Variants in CRTAC1 observed in about 807,000 individuals in gnomAD.
CRTAC1 encodes the protein cartilage acidic protein 1, also known as acidic secreted protein in cartilage.
In CRTAC1, 37 loss-of-function variants were observed where a neutral mutation model predicts 67.8. The observed-to-expected ratio is 0.55, with a 90% CI of 0.42 to 0.72. The LOEUF (loss-of-function observed/expected upper bound fraction) is 0.72. CRTAC1 is among the 30% of genes least tolerant of loss of function. The probability of loss-of-function intolerance (pLI) is 0.00; values close to 1 mark genes in which losing one functional copy is unlikely to be tolerated. For synonymous variants in CRTAC1, 348 were observed against 371.0 expected (o/e 0.94, Z 0.71); for missense variants, 780 against 931.6 (o/e 0.84, Z 2.12).
chr10:97,877,472 G>A (rs148780794), intron 14 of CRTAC1, among the ~76,000 whole-genome samples: 1 of 146,070 alleles, frequency 6.8e-6, no homozygotes, highest in Non-Finnish European at 1.5e-5. Context: ...AACAAATATT[G>A]CTTTCACTTA....
intron 3 of CRTAC1, among the ~76,000 whole-genome samples, chr10:97,929,378 T>C (rs995655340): frequency 6.6e-6 from 1 of 152,152 alleles, no homozygotes. Context: ...CTAGAGCCAC[T>C]GGGAGCATGA....
At chr10:97,887,610 G>GCTAT (rs918005288) in intron 11 of CRTAC1, among the ~76,000 whole-genome samples, 1 of 152,172 alleles carries the variant, frequency 6.6e-6, no homozygotes, top group African/African-American at 2.4e-5. Flanking sequence ...GGGGCCTGGG[G>GCTAT]CTATGAGATA....
intron 2 of CRTAC1, among the ~76,000 whole-genome samples, chr10:97,989,963 C>T (rs1842412694): frequency 6.6e-6 from 1 of 152,234 alleles, no homozygotes; most frequent in Non-Finnish European, 1.5e-5. Context: ...TCTGAAATCT[C>T]TCATTCCCTC....
chr10:97,925,548 T>C (rs1471462122), intron 3 of CRTAC1, among the ~76,000 whole-genome samples: 2 of 140,816 alleles, frequency 1.4e-5, no homozygotes, highest in African/African-American at 2.7e-5. Flanking sequence ...TCAGAGTGAG[T>C]GTTGAGAGGG....
At chr10:98,012,867 C>A (rs553843932) in intron 1 of CRTAC1, among the ~76,000 whole-genome samples, 2 of 152,278 alleles carry the variant, frequency 1.3e-5, no homozygotes, top group South Asian at 2.1e-4. Flanking sequence ...AAACTGAGGT[C>A]ATTCCAAATT....
chr10:97,929,298 C>T lies in CRTAC1; in HGVS notation c.422-5898G>A, dbSNP rs116334250. ...GGCCATAAACAGGGTCCCTTGAGTC[C>T]CAGGGAGAAGCCACATTTGGGACAG... On this transcript the variant is annotated intron_variant, in intron 3 of 14. Transcript: ENST00000370597. Among the ~76,000 whole-genome samples, 340 of 152,106 alleles carry T rather than the reference C, an allele frequency of 2.2e-3. 1 individual carries two copies. The highest frequency in any genetic ancestry group is 8.0e-3 in the African/African-American group (333 of 41,484).
chr10:97,998,105 G>C (rs959702554), intron 2 of CRTAC1, among the ~76,000 whole-genome samples: 6 of 152,128 alleles, frequency 3.9e-5, no homozygotes. Context: ...TGAGAAGCTG[G>C]GACTACAGGT....
intron 13 of CRTAC1, among the ~76,000 whole-genome samples, chr10:97,881,762 A>G (rs1294911898): frequency 1.3e-5 from 2 of 151,848 alleles, no homozygotes; most frequent in African/African-American, 4.9e-5. Flanking sequence ...CACCCTTGGC[A>G]CCACTGCTCC....
In CRTAC1 at chr10:97,907,199, A is replaced by G. The variant is rs573339272; in HGVS notation, c.850+814T>C. Among the ~76,000 whole-genome samples the G allele has an allele frequency of 5.9e-5, 9 of 152,350 alleles. No individual in the cohort carries two copies. In the East Asian group the frequency reaches 1.7e-3, roughly 29 times the overall value. Reference sequence around the variant, plus strand: ...TCCTTGTAAAGCTCATAGACAAACCATGATGGCAATGTGGAGCCTGAAGAA... The same window carrying G: ...TCCTTGTAAAGCTCATAGACAAACCGTGATGGCAATGTGGAGCCTGAAGAA... On this transcript the variant is annotated intron_variant, in intron 6 of 14. Coordinates refer to ENST00000370597, the MANE Select transcript of CRTAC1 (RefSeq NM_018058.7).
chr10:97,877,458 G>T (rs1441087857), intron 14 of CRTAC1, among the ~76,000 whole-genome samples: 3 of 146,880 alleles, frequency 2.0e-5, no homozygotes, highest in Admixed American at 6.7e-5. Flanking sequence ...CACAGTAGGG[G>T]CTCAACAAAT....
At chr10:98,019,262 C>T (rs1341043692) in intron 1 of CRTAC1, among the ~76,000 whole-genome samples, 10 of 152,152 alleles carry the variant, frequency 6.6e-5, no homozygotes, top group East Asian at 1.9e-4. Context: ...CTACAGACCC[C>T]GCCGCCTGGC....
chr10:97,924,112 C>A (rs989829053), intron 3 of CRTAC1, among the ~76,000 whole-genome samples: 1 of 151,978 alleles, frequency 6.6e-6, no homozygotes, highest in Non-Finnish European at 1.5e-5. Context: ...CACCACACAA[C>A]ATGCCATACA....
intron 8 of CRTAC1, among the ~76,000 whole-genome samples, chr10:97,900,989 T>C (rs372026025): frequency 6.4e-5 from 8 of 125,820 alleles, no homozygotes; most frequent in Non-Finnish European, 8.2e-5. Flanking sequence ...GATTGGACCC[T>C]GTAGCCCCTT....
rs187901600 is a variant in CRTAC1, at chr10:98,004,762, G to C, written c.224+6376C>G. On this transcript the variant is annotated intron_variant, in intron 2 of 14. Coordinates refer to ENST00000370597, the MANE Select transcript of CRTAC1 (RefSeq NM_018058.7). ...TGAACATATTATGCAGTGAAAAAAAGCAAGTTTTGGAACAATATGTATCAG... is the reference window on the plus strand; with the variant it reads ...TGAACATATTATGCAGTGAAAAAAACCAAGTTTTGGAACAATATGTATCAG... Among the ~76,000 whole-genome samples the C allele has an allele frequency of 2.5e-3, 377 of 151,912 alleles. 2 individuals carry two copies. The highest frequency in any genetic ancestry group is 8.9e-3 in the African/African-American group (368 of 41,438).
At chr10:97,988,849 C>A (rs2052027806) in intron 2 of CRTAC1, among the ~76,000 whole-genome samples, 1 of 152,206 alleles carries the variant, frequency 6.6e-6, no homozygotes, top group Non-Finnish European at 1.5e-5. Context: ...TTTCATGTGT[C>A]AATTTGAGTA....
chr10:97,966,054 C>A (rs2051610238), intron 2 of CRTAC1, among the ~76,000 whole-genome samples: 1 of 152,184 alleles, frequency 6.6e-6, no homozygotes, highest in Non-Finnish European at 1.5e-5. Flanking sequence ...AGGATAGAGC[C>A]AAGGCCACTA....
intron 3 of CRTAC1, among the ~76,000 whole-genome samples, chr10:97,934,501 C>A (rs558043586): frequency 6.6e-6 from 1 of 152,316 alleles, no homozygotes; most frequent in African/African-American, 2.4e-5. Flanking sequence ...AAGCCCCAAC[C>A]TCTTCCCCTC....
chr10:97,949,717 T>A (rs371335088), intron 2 of CRTAC1, among the ~76,000 whole-genome samples: 4 of 152,308 alleles, frequency 2.6e-5, no homozygotes, highest in East Asian at 3.9e-4. Flanking sequence ...TGAGGGCAGA[T>A]TTCTGCTCTG....
At position 97,895,398 on chromosome 10, in the gene CRTAC1, AGTT is replaced by A. The variant is rs1416497848; in HGVS notation, c.1330_1332del (p.Asn444del). The A allele has an allele frequency of 8.7e-6, 14 of 1,606,348 alleles. No homozygotes were observed. Among genetic ancestry groups the A allele is most frequent in the East Asian group, 2.2e-5 (1 of 44,680 alleles). On this transcript the variant is annotated inframe_deletion, in exon 11 of 15. Coordinates refer to ENST00000370597, the MANE Select transcript of CRTAC1 (RefSeq NM_018058.7). The surrounding 1 kb of genome is among the most constrained non-coding windows in gnomAD (Gnocchi z 4.2). ...CGGGTGCGTGGCACCACTCGCAGCC[AGTT>A]GTTGTTGAAGCCCTGCAGAGAGGGT...
Sources: gnomAD v4.1 joint callset for allele counts (sites outside exome capture counted in the v4.1 genomes callset) on GRCh38, gnomAD v4.1.1 for gene constraint, Gnocchi (gnomAD v3.1) non-coding constraint, MANE v1.5 for transcripts, NCBI Gene and HGNC (gene_info 2026-07-23, HGNC 2026-07-21) for gene names.